Variants in SVIL observed in about 807,000 individuals in gnomAD.
SVIL encodes the protein supervillin, also known as archvillin.
SVIL carries 101 observed loss-of-function variants against 240.4 expected under a neutral mutation model. That is an observed-to-expected ratio of 0.42 (90% CI 0.36 to 0.50). The LOEUF is 0.50. SVIL is among the 20% of genes least tolerant of loss of function. The probability of loss-of-function intolerance (pLI) is 0.01; values close to 1 mark genes in which losing one functional copy is unlikely to be tolerated. For synonymous variants in SVIL, 999 were observed against 1,100.0 expected, an observed-to-expected ratio of 0.91 and a Z score of 1.82; for missense variants, 2,512 against 2,818.7, an observed-to-expected ratio of 0.89 and a Z score of 2.46.
intron 32 of SVIL, among the ~76,000 whole-genome samples, chr10:29,469,780 C>T (rs947778645): frequency 6.6e-6 from 1 of 152,208 alleles, no homozygotes; most frequent in Non-Finnish European, 1.5e-5. Context: ...CCGGGAAGTG[C>T]CCGGAGAGTC....
rs1564582423 is a variant in SVIL at position 29,529,787 on chromosome 10, CTG to C, written c.2162_2163del (p.Thr721SerfsTer21). On this transcript the variant is annotated frameshift_variant, in exon 12 of 38. Coordinates refer to ENST00000355867, the MANE Select transcript of SVIL (RefSeq NM_021738.3). LOFTEE classifies it high-confidence loss of function. ...QNVPKRRSRN[T>X]AVEQRLRRLQ... is the part of the protein sequence containing the mutation. ...AGACGGCGTAGCCTCTGCTCCACAG[CTG>C]TGTTTCTTGAGCGTCGCTTTGGAAC... The C allele has an allele frequency of 6.2e-7, 1 of 1,613,694 alleles. No homozygotes were observed. Among genetic ancestry groups the C allele is most frequent in the East Asian group, 2.2e-5 (1 of 44,834 alleles).
In SVIL at chr10:29,499,250, C is replaced by G. The variant is rs551753898; in HGVS notation, c.3530G>C (p.Ser1177Thr). 25 of 1,614,236 alleles carry G rather than the reference C, an allele frequency of 1.5e-5. No homozygotes were observed. In the African/African-American group the frequency reaches 3.2e-4, roughly 21 times the overall value. Reference protein sequence around the residue: ...RSLIKKRVTESRESQMTIEER... With the variant: ...RSLIKKRVTETRESQMTIEER... ...CTCAATCGTCATTTGGCTCTCTCGA[C>G]TTTCTGTGACCCGCTGTTCATAAAT... Residue 1177 changes from serine (S) to threonine (T), a missense_variant, in exon 18 of 38, where the codon AGT becomes ACT. By Grantham distance (58) the Ser-to-Thr change is moderately conservative (BLOSUM62 1). Transcript: ENST00000355867.
chr10:29,695,870 CTCTCCCTCTCCCG>C (rs1961916488), intron 1 of SVIL, among the ~76,000 whole-genome samples: 4 of 62,312 alleles, frequency 6.4e-5, no homozygotes, highest in African/African-American at 3.7e-4. Flanking sequence ...TCCCGTCTCC[CTCTCCCTCTCCCG>C]TCTCCCTCTC....
intron 28 of SVIL, 25 bp from the exon 29 acceptor site, chr10:29,480,838 G>A (rs1946754042): frequency 6.3e-7 from 1 of 1,585,992 alleles, no homozygotes; most frequent in African/African-American, 1.3e-5. Flanking sequence ...AAAGACATCA[G>A]TTCAGTTGCC....
At position 29,486,627 on chromosome 10, in the gene SVIL, AC is replaced by A. The variant is rs1424123553; in HGVS notation, c.4486-71del. 29 of 1,579,818 alleles carry A rather than the reference AC, an allele frequency of 1.8e-5. No homozygotes were observed. In the Admixed American group the frequency reaches 5.0e-4, roughly 27 times the overall value. On this transcript the variant is annotated intron_variant, in intron 24 of 37. Coordinates refer to ENST00000355867, the MANE Select transcript of SVIL (RefSeq NM_021738.3). ...GCTAGACAGAGTGGCACATGTCAAA[AC>A]CAGAGAGGAGAAACAGTGTGCCTGC...
Position 29,532,898 on chromosome 10 carries a change from T to A in SVIL, c.1469A>T (p.Gln490Leu), listed in dbSNP as rs751046083. 2 of 1,614,156 alleles carry A rather than the reference T, an allele frequency of 1.2e-6. No homozygotes were observed. The highest frequency in any genetic ancestry group is 1.1e-5 in the South Asian group (1 of 91,082). Residue 490 changes from glutamine (Q) to leucine (L), a missense_variant, in exon 8 of 38, where the codon CAG becomes CTG. This residue lies in a region of SVIL where 1,443 missense variants were observed against 1,486.6 expected (regional missense o/e 0.97). Transcript: ENST00000355867. Reference sequence around the variant, plus strand: ...TTGTGCCACGTTTTCCAGTTCCTTCTGATGCTCTAAGGTGACTGTGCTCAC... The same window carrying A: ...TTGTGCCACGTTTTCCAGTTCCTTCAGATGCTCTAAGGTGACTGTGCTCAC... Reference protein sequence around the residue: ...PAVSTVTLEHQKELENVAQPP... With the variant: ...PAVSTVTLEHLKELENVAQPP...
chr10:29,512,891 G>C (rs926325760), intron 16 of SVIL, 30 bp from the exon 17 acceptor site: 2 of 1,604,424 alleles, frequency 1.2e-6, no homozygotes, highest in Admixed American at 3.3e-5. Flanking sequence ...GCCACAAAGA[G>C]TTCAGCACCA....
chr10:29,638,505 A>T (rs953283009), upstream of SVIL, among the ~76,000 whole-genome samples: 33 of 152,076 alleles, frequency 2.2e-4, no homozygotes, highest in African/African-American at 7.2e-4. Context: ...TTTTCCAAGG[A>T]AAAAGCATCC....
rs904508692 is a variant in SVIL at position 29,470,222 on chromosome 10, G to A, written c.5843+54C>T. The A allele has an allele frequency of 2.6e-5, 41 of 1,593,536 alleles. No individual in the cohort carries two copies. In the East Asian group the frequency reaches 3.2e-4, roughly 12 times the overall value. Reference sequence around the variant, plus strand: ...GTCTTGGTACCCCTGAGCCTGCCCCGTCCCTCTGGGAAGCCCGGTGTGTGG... The same window carrying A: ...GTCTTGGTACCCCTGAGCCTGCCCCATCCCTCTGGGAAGCCCGGTGTGTGG... On this transcript the variant is annotated intron_variant, in intron 32 of 37. Transcript: ENST00000355867.
chr10:29,631,573 G>C (rs1958095863), intron 1 of SVIL, among the ~76,000 whole-genome samples: 1 of 151,264 alleles, frequency 6.6e-6, no homozygotes, highest in Non-Finnish European at 1.5e-5. Flanking sequence ...TCAGGATTTC[G>C]AGACCAGCCT....
chr10:29,512,223 A>G (rs1478618863), intron 17 of SVIL, among the ~76,000 whole-genome samples: 4 of 152,230 alleles, frequency 2.6e-5, no homozygotes, highest in Non-Finnish European at 5.9e-5. Flanking sequence ...TTCAACTTAT[A>G]CATTACTGTA....
intron 1 of SVIL, among the ~76,000 whole-genome samples, chr10:29,625,722 A>G (rs1224676298): frequency 1.3e-5 from 2 of 152,206 alleles, no homozygotes; most frequent in African/African-American, 2.4e-5. Context: ...TTGGCCTCCC[A>G]AAGTGCTGGG....
At chr10:29,538,814 G>C (rs746417280) in intron 6 of SVIL, among the ~76,000 whole-genome samples, 3 of 152,152 alleles carry the variant, frequency 2.0e-5, no homozygotes, top group Non-Finnish European at 4.4e-5. Flanking sequence ...ATTGGGATGC[G>C]ACCCCATTCT....
intron 2 of SVIL, chr10:29,671,032 C>T (rs1055962566): frequency 6.6e-6 from 1 of 152,230 alleles, no homozygotes; most frequent in Non-Finnish European, 1.5e-5. Context: ...AGATCAAAAT[C>T]CTCCTTGGAA....
intron 1 of SVIL, among the ~76,000 whole-genome samples, chr10:29,570,992 C>T (rs1195445467): frequency 6.6e-6 from 1 of 152,182 alleles, no homozygotes; most frequent in African/African-American, 2.4e-5. Context: ...AATTTGAAAG[C>T]TCCCAAATAG....
intron 1 of SVIL, among the ~76,000 whole-genome samples, chr10:29,629,249 T>A (rs1957991778): frequency 6.6e-6 from 1 of 151,668 alleles, no homozygotes; most frequent in Non-Finnish European, 1.5e-5. Flanking sequence ...AGGGGTGGCA[T>A]GAAAAGCCTA....
At chr10:29,579,741 C>T (rs1380124827) in intron 1 of SVIL, among the ~76,000 whole-genome samples, 3 of 152,138 alleles carry the variant, frequency 2.0e-5, no homozygotes, top group Non-Finnish European at 4.4e-5. Flanking sequence ...TTTGAGGCAA[C>T]TCTCCTTTGG....
In SVIL at chr10:29,473,890, T is replaced by G; in HGVS notation, c.5477A>C (p.Lys1826Thr). The G allele has an allele frequency of 6.2e-7, 1 of 1,613,854 alleles. No homozygotes were observed. The highest frequency in any genetic ancestry group is 8.5e-7 in the Non-Finnish European group (1 of 1,179,948). The stretch of plus-strand genomic sequence containing the variant: ...CACCGTCATCAGCGCCGACGTGCCC[T>G]TCTCACTCACGGTGGAGTGCCGGCC... ...WQGRHSTVSE[K>T]GTSALMTVEL... Residue 1826 changes from lysine (K) to threonine (T), a missense_variant, in exon 30 of 38, where the codon AAG becomes ACG. Lys to Thr is a moderately conservative substitution (Grantham distance 78). Coordinates refer to ENST00000355867, the MANE Select transcript of SVIL (RefSeq NM_021738.3).
rs77379574 is a variant in SVIL, at chr10:29,589,077, G to C, written c.-200-19765C>G. 6.7e-3 allele frequency among the ~76,000 whole-genome samples: 1,018 copies of C among 152,298 alleles called. 8 individuals are homozygous for C. Among genetic ancestry groups the C allele is most frequent in the African/African-American group, 0.023 (953 of 41,564 alleles). On this transcript the variant is annotated intron_variant, in intron 1 of 37. Coordinates refer to ENST00000355867, the MANE Select transcript of SVIL (RefSeq NM_021738.3). ...CCTTTAAGTGGATTGAGATGCCTCG[G>C]TGACTTTTCGGTTCACAGGAGTTTA...
Sources: gnomAD v4.1 joint callset for allele counts (sites outside exome capture counted in the v4.1 genomes callset) on GRCh38, gnomAD v4.1.1 for gene constraint, gnomAD v4.1.1 regional missense constraint, MANE v1.5 for transcripts, NCBI Gene and HGNC (gene_info 2026-07-23, HGNC 2026-07-21) for gene names.